Variants in SEC24A observed in about 807,000 individuals in gnomAD.
SEC24A encodes the protein protein transport protein Sec24A.
Under a neutral mutation model 129.4 loss-of-function variants are expected in SEC24A, and 93 were observed. The ratio of observed to expected loss-of-function variants is 0.72; its 90% CI spans 0.61 to 0.85. SEC24A has a LOEUF of 0.85. SEC24A is among the 40% of genes least tolerant of loss of function. The pLI, the probability that SEC24A is intolerant of heterozygous loss-of-function variation, is 0.00. For synonymous variants in SEC24A, 460 were observed against 467.3 expected, an observed-to-expected ratio of 0.98 and a Z score of 0.20; for missense variants, 1,264 against 1,307.4, an observed-to-expected ratio of 0.97 and a Z score of 0.51.
chr5:134,682,288 C>CT (rs1751301721), intron 8 of SEC24A, 85 bp from the exon 9 acceptor site: 2 of 657,130 alleles, frequency 3.0e-6, no homozygotes, highest in Non-Finnish European at 5.3e-6. Flanking sequence ...TGTTTGTCAT[C>CT]TTTTCAAGGA....
chr5:134,662,275 C>T (rs1750496590), intron 2 of SEC24A, among the ~76,000 whole-genome samples: 1 of 152,098 alleles, frequency 6.6e-6, no homozygotes, highest in South Asian at 2.1e-4. Flanking sequence ...CTGCCTCAGC[C>T]TCCCGAGTAG....
chr5:134,654,232 A>ATT (rs1750164384), intron 1 of SEC24A, among the ~76,000 whole-genome samples: 1 of 151,408 alleles, frequency 6.6e-6, no homozygotes, highest in African/African-American at 2.4e-5. Flanking sequence ...ATATATATAT[A>ATT]TTTTTTGAGA....
At chr5:134,648,738 A>C, upstream of SEC24A, 1 of 178,670 alleles carries the variant, frequency 5.6e-6, no homozygotes, top group East Asian at 1.4e-4. Flanking sequence ...CGGAGCCGGA[A>C]GTGCCACGTG....
In SEC24A at chr5:134,649,351, C is replaced by T. The variant is rs956512454; in HGVS notation, c.97+178C>T. The stretch of plus-strand genomic sequence containing the variant: ...AGTTGTGCACCTGTAGCCCCAGGCT[C>T]GTCTCAGTCTTTCACATTTATTTAG... On this transcript the variant is annotated intron_variant, in intron 1 of 22. Transcript: ENST00000398844. The T allele has an allele frequency of 5.7e-5, 27 of 469,616 alleles. No homozygotes were observed. The East Asian group carries it at 9.1e-4, about 16-fold the overall frequency. 29.1% of individuals were successfully genotyped at this position (469,616 alleles called of 1,614,324 possible).
At chr5:134,714,173 AT>A (rs1414813952) in intron 18 of SEC24A, among the ~76,000 whole-genome samples, 2 of 152,012 alleles carry the variant, frequency 1.3e-5, no homozygotes, top group Non-Finnish European at 2.9e-5. Flanking sequence ...TAGTAGTATT[AT>A]TTTTTCTTGT....
chr5:134,695,526 C>A (rs1453297228), intron 13 of SEC24A, among the ~76,000 whole-genome samples: 1 of 152,114 alleles, frequency 6.6e-6, no homozygotes, highest in African/African-American at 2.4e-5. Context: ...GTGGCTCACG[C>A]CTGTAATTCC....
At chr5:134,659,181 C>T (rs950656035) in intron 1 of SEC24A, among the ~76,000 whole-genome samples, 1 of 151,780 alleles carries the variant, frequency 6.6e-6, no homozygotes, top group South Asian at 2.1e-4. Context: ...ACGCCATTCT[C>T]CTGCCTCAGC....
chr5:134,696,637 T>C (rs1435537323), intron 13 of SEC24A, among the ~76,000 whole-genome samples: 3 of 152,098 alleles, frequency 2.0e-5, no homozygotes, highest in Non-Finnish European at 4.4e-5. Flanking sequence ...TAGCTGGGAC[T>C]ACAGGCACCT....
intron 2 of SEC24A, among the ~76,000 whole-genome samples, chr5:134,662,544 A>C (rs1034707317): frequency 2.6e-5 from 4 of 152,150 alleles, no homozygotes; most frequent in African/African-American, 9.7e-5. Context: ...CTTCCAAGTG[A>C]AATAGTAATA....
chr5:134,688,632 G>C (rs1431302188), intron 11 of SEC24A, among the ~76,000 whole-genome samples: 1 of 151,754 alleles, frequency 6.6e-6, no homozygotes, highest in African/African-American at 2.4e-5. Context: ...AGAATTGAGA[G>C]CTCAGAATAA....
At chr5:134,688,159 A>G (rs773460843) in intron 10 of SEC24A, 22 bp from the exon 11 acceptor site, 50 of 1,310,260 alleles carry the variant, frequency 3.8e-5, no homozygotes, top group Non-Finnish European at 5.4e-5. Context: ...TTGATAAAAT[A>G]CTCTTCTGAA....
chr5:134,655,127 G>A (rs748895559), intron 1 of SEC24A, among the ~76,000 whole-genome samples: 1 of 152,050 alleles, frequency 6.6e-6, no homozygotes, highest in Non-Finnish European at 1.5e-5. Context: ...GTGAGCCACC[G>A]CACCCGGCCA....
At chr5:134,683,240 C>G (rs1478445742) in intron 9 of SEC24A, among the ~76,000 whole-genome samples, 1 of 151,630 alleles carries the variant, frequency 6.6e-6, no homozygotes, top group African/African-American at 2.4e-5. Flanking sequence ...AGGCTGGTCT[C>G]AAACTCCTGA....
chr5:134,668,743 C>A (rs907339653), intron 3 of SEC24A, among the ~76,000 whole-genome samples: 2 of 147,386 alleles, frequency 1.4e-5, no homozygotes, highest in African/African-American at 5.0e-5. Flanking sequence ...ACAAAAAAAA[C>A]CAATTAGCCA....
intron 2 of SEC24A, among the ~76,000 whole-genome samples, chr5:134,665,175 G>A (rs983571643): frequency 1.3e-5 from 2 of 151,942 alleles, no homozygotes; most frequent in South Asian, 2.1e-4. Context: ...CAGGCTGAGC[G>A]TGGTGGCTCA....
intron 11 of SEC24A, among the ~76,000 whole-genome samples, 187 bp from the exon 12 acceptor site, chr5:134,692,415 C>T (rs949539066): frequency 6.6e-6 from 1 of 152,098 alleles, no homozygotes; most frequent in Non-Finnish European, 1.5e-5. Flanking sequence ...AGAAAATTTG[C>T]AGTAGATACC....
chr5:134,705,952 A>G (rs1752148514), intron 17 of SEC24A, among the ~76,000 whole-genome samples: 1 of 150,786 alleles, frequency 6.6e-6, no homozygotes, highest in African/African-American at 2.4e-5. Flanking sequence ...TAATGGCGCA[A>G]TCTTGGCTTA....
At chr5:134,712,123 C>T (rs1752345225) in intron 18 of SEC24A, among the ~76,000 whole-genome samples, 2 of 152,284 alleles carry the variant, frequency 1.3e-5, no homozygotes, top group African/African-American at 4.8e-5. Flanking sequence ...TGAGCTACCA[C>T]ACCAGGCCTT....
intron 8 of SEC24A, among the ~76,000 whole-genome samples, chr5:134,680,417 C>T (rs1489079925): frequency 1.3e-5 from 2 of 152,166 alleles, no homozygotes; most frequent in Non-Finnish European, 2.9e-5. Flanking sequence ...ACTGCAACCT[C>T]CGCCTCCCAG....
Sources: allele counts gnomAD v4.1 joint callset (sites outside exome capture counted in the v4.1 genomes callset), GRCh38; gene constraint gnomAD v4.1.1; transcripts MANE v1.5; gene names NCBI Gene and HGNC (gene_info 2026-07-23, HGNC 2026-07-21).